ZNF454: variants seen among roughly 807,000 people sequenced by gnomAD.
The protein encoded by ZNF454 is zinc finger protein 454.
ZNF454 carries 30 observed loss-of-function variants against 48.2 expected under a neutral mutation model. The observed-to-expected ratio is 0.62, with a 90% CI of 0.47 to 0.84. The LOEUF is 0.84. ZNF454 is among the 40% of genes least tolerant of loss of function. ZNF454 has a pLI of 0.00. For missense variants in ZNF454, 510 were observed against 623.1 expected (o/e 0.82, Z 1.93); for synonymous variants, 204 against 211.4 (o/e 0.97, Z 0.30).
At chr5:178,970,921 C>T (rs112046244), downstream of ZNF454, among the ~76,000 whole-genome samples, 345 of 152,292 alleles carry the variant, frequency 2.3e-3, 1 homozygote, top group Non-Finnish European at 3.5e-3. Flanking sequence ...CAATGACCAT[C>T]GAAGCCCCAC....
At position 178,953,459 on chromosome 5, in the gene ZNF454, G is replaced by T. The variant is rs557261509; in HGVS notation, c.250+6473G>T. 2.6e-5 allele frequency among the ~76,000 whole-genome samples: 4 copies of T among 152,112 alleles called. No homozygotes were observed. The East Asian group carries it at 7.7e-4, about 29-fold the overall frequency. ...AGCCTTCTGACCTCCATTCTAGAAG[G>T]CTTGGCCTTCTGCATCTGGTGCCCA... On this transcript the variant is annotated intron_variant, in intron 4 of 4. Transcript: ENST00000519564.
the ZNF454 span, among the ~76,000 whole-genome samples, chr5:178,972,986 T>C: frequency 7.0e-6 from 1 of 142,874 alleles, no homozygotes; most frequent in Admixed American, 7.1e-5. Flanking sequence ...TTCCTAATAG[T>C]AAATAGGTAA....
chr5:178,958,429 T>G (rs1229207823), intron 4 of ZNF454, among the ~76,000 whole-genome samples: 1 of 152,266 alleles, frequency 6.6e-6, no homozygotes, highest in African/African-American at 2.4e-5. Context: ...CAATAGTTGG[T>G]TCATTCTCAT....
chr5:178,986,652 G>A, the ZNF454 span: 1 of 1,602,646 alleles, frequency 6.2e-7, no homozygotes, highest in Non-Finnish European at 8.5e-7. Context: ...AACAGCAGGG[G>A]ACGCCCTTCA....
the ZNF454 span, chr5:178,986,589 G>A: frequency 2.4e-4 from 385 of 1,605,986 alleles, 1 homozygote; most frequent in African/African-American, 4.9e-4. Context: ...GACAGGCCTC[G>A]CATGTGAACT....
intron 2 of ZNF454, among the ~76,000 whole-genome samples, chr5:178,943,762 A>C (rs999926730): frequency 6.6e-6 from 1 of 152,232 alleles, no homozygotes; most frequent in Non-Finnish European, 1.5e-5. Context: ...GCGGTGGCTC[A>C]CGCCTGTAAT....
chr5:178,964,076 T>C (rs1032033783), intron 4 of ZNF454, among the ~76,000 whole-genome samples: 2 of 151,678 alleles, frequency 1.3e-5, no homozygotes, highest in Admixed American at 6.6e-5. Flanking sequence ...ACTTCTCTAT[T>C]ATCACAAAGA....
At chr5:178,985,474 T>C in the ZNF454 span, among the ~76,000 whole-genome samples, 15,029 of 150,108 alleles carry the variant, frequency 0.1, 807 homozygotes, top group East Asian at 0.19. Context: ...GAGGCCGAGG[T>C]GGGCGGATCA....
chr5:178,949,206 T>C (rs1259600677), intron 4 of ZNF454, among the ~76,000 whole-genome samples: 2 of 151,852 alleles, frequency 1.3e-5, no homozygotes, highest in Admixed American at 6.6e-5. Flanking sequence ...GCCTGCCACC[T>C]CGCGCAGCTA....
At chr5:178,968,819 A>C, downstream of ZNF454, 1 of 456,728 alleles carries the variant, frequency 2.2e-6, no homozygotes, top group South Asian at 1.5e-5. Context: ...ACTACTTGGT[A>C]TGTGCCTACC....
the ZNF454 span, among the ~76,000 whole-genome samples, chr5:178,983,994 A>G: frequency 6.6e-6 from 1 of 152,200 alleles, no homozygotes; most frequent in East Asian, 1.9e-4. Flanking sequence ...GGGCCATGTG[A>G]TCCTGCTGGA....
chr5:178,981,528 G>A, the ZNF454 span: 18 of 697,004 alleles, frequency 2.6e-5, no homozygotes, highest in South Asian at 5.5e-5. The surrounding 1 kb of genome is among the most constrained non-coding windows in gnomAD (Gnocchi z 5.1). Context: ...CCCCACCGAC[G>A]CGGAGCATGG....
Position 178,965,258 on chromosome 5 carries a change from T to C in ZNF454, c.854T>C (p.Ile285Thr), listed in dbSNP as rs373159517. 8.2e-5 allele frequency: 133 copies of C among 1,614,070 alleles called. No homozygotes were observed. The highest frequency in any genetic ancestry group is 1.1e-4 in the Non-Finnish European group (130 of 1,180,042). Residue 285 changes from isoleucine to threonine, a missense_variant, in exon 5 of 5, where the codon ATA becomes ACA. Physicochemically the swap from Ile to Thr is moderately conservative, Grantham distance 89 (BLOSUM62 -1). Transcript: ENST00000519564. The surrounding 1 kb of genome is among the most constrained non-coding windows in gnomAD (Gnocchi z 5.2). ...TGTGGAAAAGCTTTTATCCGAAATA[T>C]ACACCTTGCCCATCATCATAGAATA... ...NLCGKAFIRN[I>T]HLAHHHRIHT...
In ZNF454 at chr5:178,945,304, GTGTC is replaced by G. The variant is rs544183149; in HGVS notation, c.34-1047_34-1044del. Among the ~76,000 whole-genome samples the G allele has an allele frequency of 5.4e-4, 82 of 151,522 alleles. 2 individuals carry two copies. In the South Asian group the frequency reaches 7.6e-3, roughly 14 times the overall value. ...ATGTGCATGCGCACTTGTGTGGTAC[GTGTC>G]TGTCTGTGTATGTTTGTGTGTGTTT... On this transcript the variant is annotated intron_variant, in intron 2 of 4. Coordinates refer to ENST00000519564, the MANE Select transcript of ZNF454 (RefSeq NM_001178089.3).
chr5:178,960,618 A>C (rs986829356), intron 4 of ZNF454, among the ~76,000 whole-genome samples: 1 of 151,666 alleles, frequency 6.6e-6, no homozygotes, highest in Non-Finnish European at 1.5e-5. Flanking sequence ...AACATTTTTC[A>C]CTATGATTAT....
the ZNF454 span, chr5:178,989,516 G>C: frequency 7.4e-7 from 1 of 1,360,304 alleles, no homozygotes; most frequent in Non-Finnish European, 1.0e-6. Flanking sequence ...GGTGAGCTAG[G>C]AGTGGCCAGG....
the ZNF454 span, chr5:178,985,267 T>C: frequency 2.2e-6 from 1 of 456,606 alleles, no homozygotes; most frequent in Non-Finnish European, 4.4e-6. Flanking sequence ...ATAACTTCAC[T>C]GTTGTACAGA....
intron 4 of ZNF454, among the ~76,000 whole-genome samples, chr5:178,960,807 G>A (rs1759984984): frequency 6.6e-6 from 1 of 151,384 alleles, no homozygotes; most frequent in Admixed American, 6.6e-5. Flanking sequence ...ATTAGTATGG[G>A]TATAGCACCT....
chr5:178,983,271 C>T, the ZNF454 span: 1 of 1,518,356 alleles, frequency 6.6e-7, no homozygotes, highest in Non-Finnish European at 9.1e-7. Context: ...GGGACAAATC[C>T]ATTCCAGCCC....
Sources: allele counts gnomAD v4.1 joint callset (sites outside exome capture counted in the v4.1 genomes callset), GRCh38; gene constraint gnomAD v4.1.1; non-coding constraint Gnocchi (gnomAD v3.1); transcripts MANE v1.5; gene names NCBI Gene and HGNC (gene_info 2026-07-23, HGNC 2026-07-21).